Variants in HNF4G observed in about 807,000 individuals in gnomAD.
HNF4G encodes hepatocyte nuclear factor 4-gamma.
Under a neutral mutation model 50.9 loss-of-function variants are expected in HNF4G, and 21 were observed. The ratio of observed to expected loss-of-function variants is 0.41; its 90% confidence interval spans 0.29 to 0.59. The LOEUF (loss-of-function observed/expected upper bound fraction) is 0.59. Ranked by LOEUF, HNF4G falls within the 20% of genes least tolerant of loss-of-function variation. The pLI is 0.26. For synonymous variants in HNF4G, 198 were observed against 185.6 expected (o/e 1.07, Z -0.54); for missense variants, 527 against 559.4 (o/e 0.94, Z 0.58).
At chr8:75,448,599 G>A (rs537253593) in intron 1 of HNF4G, among the ~76,000 whole-genome samples, 1 of 150,660 alleles carries the variant, frequency 6.6e-6, no homozygotes, top group Non-Finnish European at 1.5e-5. Context: ...ATATGTTATT[G>A]TAATATGTAT....
chr8:75,428,966 C>T (rs1810947489), intron 1 of HNF4G, among the ~76,000 whole-genome samples: 1 of 151,988 alleles, frequency 6.6e-6, no homozygotes, highest in Admixed American at 6.6e-5. Context: ...AGTTCAGGCA[C>T]CAGATCATGA....
intron 1 of HNF4G, among the ~76,000 whole-genome samples, chr8:75,543,079 C>A (rs1348457272): frequency 6.6e-6 from 1 of 151,992 alleles, no homozygotes; most frequent in South Asian, 2.1e-4. Context: ...TGGTGACACA[C>A]GTCTGTAATC....
chr8:75,472,310 G>A (rs1812131974), intron 1 of HNF4G, among the ~76,000 whole-genome samples: 1 of 152,154 alleles, frequency 6.6e-6, no homozygotes, highest in South Asian at 2.1e-4. Flanking sequence ...AGTTGAGGCA[G>A]GAGATGGGGA....
intron 1 of HNF4G, among the ~76,000 whole-genome samples, chr8:75,443,210 C>A (rs1382164096): frequency 6.6e-6 from 1 of 152,116 alleles, no homozygotes; most frequent in African/African-American, 2.4e-5. Flanking sequence ...GTACTTTGAT[C>A]TTGGACTTCC....
rs1381947765 is a variant in HNF4G at position 75,544,909 on chromosome 8, G to A, written c.287+930G>A. 2.0e-5 allele frequency among the ~76,000 whole-genome samples: 3 copies of A among 152,028 alleles called. No individual in the cohort carries two copies. The East Asian group carries it at 5.8e-4, about 29-fold the overall frequency. ...TAACTTTCTCAAAGTCTTGCCATGT[G>A]ATTTCCTAGGGTGCAATACAAGTTA... On this transcript the variant is annotated intron_variant, in intron 2 of 9. Coordinates refer to ENST00000396423, the MANE Select transcript of HNF4G (RefSeq NM_004133.5).
chr8:75,440,838 CAATT>C (rs1380342955), intron 1 of HNF4G, among the ~76,000 whole-genome samples: 2 of 151,884 alleles, frequency 1.3e-5, no homozygotes, highest in East Asian at 1.9e-4. Context: ...TTATACACTT[CAATT>C]AATTAATTTC....
intron 2 of HNF4G, among the ~76,000 whole-genome samples, chr8:75,512,133 A>G (rs1043254505): frequency 6.6e-6 from 1 of 151,938 alleles, no homozygotes; most frequent in African/African-American, 2.4e-5. Flanking sequence ...TTGATTGAAA[A>G]TAATAATACC....
chr8:75,421,329 T>C (rs1301722494), intron 1 of HNF4G, among the ~76,000 whole-genome samples: 1 of 152,196 alleles, frequency 6.6e-6, no homozygotes. Flanking sequence ...CTAAGGGTTA[T>C]TTAAAGGAAG....
At chr8:75,539,129 G>A (rs1806542591), upstream of HNF4G, among the ~76,000 whole-genome samples, 1 of 121,790 alleles carries the variant, frequency 8.2e-6, no homozygotes, top group South Asian at 2.6e-4. Context: ...GAGGATTGAT[G>A]ATAGGAATAT....
At chr8:75,474,669 A>T (rs1199750015) in intron 1 of HNF4G, among the ~76,000 whole-genome samples, 1 of 151,464 alleles carries the variant, frequency 6.6e-6, no homozygotes, top group Non-Finnish European at 1.5e-5. Context: ...AATAATTATT[A>T]TTTTTTTTGG....
intron 1 of HNF4G, among the ~76,000 whole-genome samples, chr8:75,473,058 C>T (rs1413257296): frequency 6.6e-6 from 1 of 152,002 alleles, no homozygotes; most frequent in East Asian, 1.9e-4. Context: ...GCCTGTAATC[C>T]CAGCACTTTG....
chr8:75,431,418 G>A (rs1432467707), intron 1 of HNF4G, among the ~76,000 whole-genome samples: 1 of 152,072 alleles, frequency 6.6e-6, no homozygotes, highest in Non-Finnish European at 1.5e-5. Context: ...TAGTGAAATC[G>A]CTGAACATTG....
At chr8:75,560,276 T>C in intron 8 of HNF4G, 68 bp from the exon 9 acceptor site, 2 of 1,535,296 alleles carry the variant, frequency 1.3e-6, no homozygotes, top group Admixed American at 1.8e-5. Context: ...ATCAAAACAT[T>C]TGTTTCAAGG....
chr8:75,418,021 C>T (rs573879163), intron 1 of HNF4G, among the ~76,000 whole-genome samples: 1 of 152,054 alleles, frequency 6.6e-6, no homozygotes, highest in East Asian at 1.9e-4. Flanking sequence ...TTTGCTAGGG[C>T]CGCCATAACA....
At chr8:75,553,690 T>C (rs1395836469) in intron 5 of HNF4G, among the ~76,000 whole-genome samples, 4 of 152,106 alleles carry the variant, frequency 2.6e-5, no homozygotes, top group Non-Finnish European at 1.5e-5. Flanking sequence ...GTTTTACCTT[T>C]CATGCTGTCA....
At chr8:75,476,274 T>G (rs545653630) in intron 1 of HNF4G, among the ~76,000 whole-genome samples, 1 of 152,338 alleles carries the variant, frequency 6.6e-6, no homozygotes, top group East Asian at 1.9e-4. Context: ...ATTTTATTCT[T>G]TCTTTATTGC....
At chr8:75,488,439 A>T (rs1390146436) in intron 1 of HNF4G, among the ~76,000 whole-genome samples, 1 of 146,620 alleles carries the variant, frequency 6.8e-6, no homozygotes, top group Non-Finnish European at 1.5e-5. Flanking sequence ...ATGCCTGGCT[A>T]TTTTTTTTTT....
chr8:75,498,554 G>A (rs572869099), intron 2 of HNF4G, among the ~76,000 whole-genome samples: 1 of 151,922 alleles, frequency 6.6e-6, no homozygotes, highest in African/African-American at 2.4e-5. Flanking sequence ...TATTATATGA[G>A]GCCAATATTA....
intron 1 of HNF4G, among the ~76,000 whole-genome samples, chr8:75,477,996 T>C (rs936657289): frequency 4.6e-5 from 7 of 151,038 alleles, no homozygotes; most frequent in African/African-American, 1.7e-4. Flanking sequence ...AAAATTATGA[T>C]GCATTAGCTT....
Sources: gnomAD v4.1 joint callset for allele counts (sites outside exome capture counted in the v4.1 genomes callset) on GRCh38, gnomAD v4.1.1 for gene constraint, MANE v1.5 for transcripts, NCBI Gene and HGNC (gene_info 2026-07-23, HGNC 2026-07-21) for gene names.